The following VAC14 variants were observed in gnomAD, a reference collection of about 807,000 sequenced individuals.
VAC14 encodes the protein VAC14 component of PIKFYVE complex.
In VAC14, 47 loss-of-function variants were observed where a neutral mutation model predicts 85.3. The ratio of observed to expected loss-of-function variants is 0.55; its 90% CI spans 0.44 to 0.70. VAC14 has a LOEUF of 0.70. Among genes scored for constraint, VAC14 ranks in the 30% least tolerant of loss-of-function variants. The pLI is 0.00. For missense variants in VAC14, 861 were observed against 1,004.3 expected, an observed-to-expected ratio of 0.86 and a Z score of 1.93; for synonymous variants, 447 against 430.5, an observed-to-expected ratio of 1.04 and a Z score of -0.47.
At chr16:70,795,262 C>A (rs558431674) in intron 1 of VAC14, among the ~76,000 whole-genome samples, 1 of 152,052 alleles carries the variant, frequency 6.6e-6, no homozygotes, top group East Asian at 1.9e-4. Flanking sequence ...GTCAGGAGAT[C>A]GGGACCATCC....
intron 17 of VAC14, among the ~76,000 whole-genome samples, chr16:70,695,037 GGC>G (rs1415261080): frequency 6.6e-6 from 1 of 152,148 alleles, no homozygotes; most frequent in Non-Finnish European, 1.5e-5. Flanking sequence ...GAGGGATACA[GGC>G]AGGATCCAGG....
At chr16:70,727,812 A>T (rs1395670621) in intron 14 of VAC14, among the ~76,000 whole-genome samples, 1 of 152,208 alleles carries the variant, frequency 6.6e-6, no homozygotes, top group Non-Finnish European at 1.5e-5. Flanking sequence ...TTTCCATGTC[A>T]GATGCTGTGT....
At chr16:70,690,638 C>A in intron 18 of VAC14, 1 of 985,506 alleles carries the variant, frequency 1.0e-6, no homozygotes, top group Non-Finnish European at 1.2e-6. Context: ...ACAAAACTCT[C>A]CCAGCTGTTC....
intron 1 of VAC14, among the ~76,000 whole-genome samples, chr16:70,791,487 C>T (rs957137291): frequency 2.6e-5 from 4 of 152,232 alleles, no homozygotes; most frequent in Middle Eastern, 3.4e-3. Context: ...CAGGTTCAAG[C>T]GATCCTCCTG....
rs2031870239 is a variant in VAC14, at chr16:70,756,489, G to A, written c.1371+6051C>T. Among the ~76,000 whole-genome samples, 3 of 152,208 alleles carry A rather than the reference G, an allele frequency of 2.0e-5. No individual in the cohort carries two copies. The South Asian group carries it at 6.2e-4, about 31-fold the overall frequency. ...AAATCGCACCTTAAAATACAGTCTA[G>A]GGCATGGCAGGGGGTGCTTCCCAGC... On this transcript the variant is annotated intron_variant, in intron 12 of 18. Transcript: ENST00000261776.
At chr16:70,701,006 G>A (rs1403356963) in intron 14 of VAC14, among the ~76,000 whole-genome samples, 4 of 152,226 alleles carry the variant, frequency 2.6e-5, no homozygotes, top group Non-Finnish European at 5.9e-5. Context: ...GTGGTGAGGA[G>A]AAGCGGGCAC....
At chr16:70,726,682 G>A (rs750472035) in intron 14 of VAC14, among the ~76,000 whole-genome samples, 1 of 152,174 alleles carries the variant, frequency 6.6e-6, no homozygotes, top group Non-Finnish European at 1.5e-5. Context: ...AAGTCCCGTG[G>A]AGGGAGTGGG....
At chr16:70,691,912 T>C (rs936297) in intron 18 of VAC14, 877,943 of 985,172 alleles carry the variant, frequency 0.89, 392,259 homozygotes, top group Non-Finnish European at 0.91. Flanking sequence ...GGCCCTTTGC[T>C]GGAGCAAGGC....
intron 10 of VAC14, chr16:70,766,316 T>G (rs769996163): frequency 4.6e-4 from 169 of 365,900 alleles, no homozygotes; most frequent in Non-Finnish European, 8.4e-4. Flanking sequence ...AAGATGCTGC[T>G]GGCCAGCCTG....
rs752513620 is a variant in VAC14, at chr16:70,687,888, C to A, written c.*40G>T. On this transcript the variant is annotated 3_prime_UTR_variant, in exon 19 of 19. Transcript: ENST00000261776. ...GAGGGCGTGACGACCCTTAGTGTTT[C>A]ATGGGACCACTCGGTGGGCCCTCCT... The A allele has an allele frequency of 2.1e-6, 3 of 1,456,550 alleles. No individual in the cohort carries two copies. The highest frequency in any genetic ancestry group is 2.9e-5 in the South Asian group (2 of 68,730). 90.2% of individuals were successfully genotyped at this position (1,456,550 alleles called of 1,614,324 possible).
intron 13 of VAC14, among the ~76,000 whole-genome samples, chr16:70,743,211 A>C (rs537906965): frequency 3.7e-4 from 56 of 152,288 alleles, no homozygotes; most frequent in Non-Finnish European, 6.0e-4. Context: ...ACCAATCAGC[A>C]CTCTATAAAA....
chr16:70,730,409 G>A (rs1308591750), intron 14 of VAC14, among the ~76,000 whole-genome samples: 2 of 151,866 alleles, frequency 1.3e-5, no homozygotes, highest in Non-Finnish European at 2.9e-5. Context: ...ACAGCAAGAT[G>A]AGCTCCCCAG....
At chr16:70,743,168 A>C (rs1295319549) in intron 13 of VAC14, among the ~76,000 whole-genome samples, 1 of 151,964 alleles carries the variant, frequency 6.6e-6, no homozygotes, top group African/African-American at 2.4e-5. Flanking sequence ...AAACGCACCA[A>C]TCAGCACTGT....
rs879291962 is a variant in VAC14, at chr16:70,761,026, G to C, written c.1371+1514C>G. 104 of 238,874 alleles carry C rather than the reference G, an allele frequency of 4.4e-4. 2 individuals are homozygous for C. Among genetic ancestry groups the C allele is most frequent in the African/African-American group, 5.7e-4 (16 of 28,018 alleles). The allele number at this position is 238,874 out of a possible 1,614,324, so 14.8% of individuals were successfully genotyped here. ...GTGTGTGTGTGTGTGTGTGCATGGG[G>C]GGGCGGGGGGTAGGCAGGAGAGGCC... On this transcript the variant is annotated intron_variant, in intron 12 of 18. Transcript: ENST00000261776.
At chr16:70,746,962 T>C (rs1370644271) in intron 12 of VAC14, 1 of 152,094 alleles carries the variant, frequency 6.6e-6, no homozygotes, top group Admixed American at 6.5e-5. Flanking sequence ...AGAGCTGCCA[T>C]AGGTATACTC....
intron 14 of VAC14, among the ~76,000 whole-genome samples, chr16:70,727,608 G>A (rs888473791): frequency 6.6e-6 from 1 of 152,214 alleles, no homozygotes; most frequent in African/African-American, 2.4e-5. Context: ...AAAGTGCTGG[G>A]ATTACAGGCA....
rs1299410886 is a variant in VAC14, at chr16:70,761,010, TGTGTGTGTGCATGGGGGG to T, written c.1371+1512_1371+1529del. 6.0e-4 allele frequency: 193 copies of T among 323,672 alleles called. 7 individuals are homozygous for T. Among genetic ancestry groups the T allele is most frequent in the African/African-American group, 5.8e-3 (162 of 27,898 alleles). 20.1% of individuals were successfully genotyped at this position (323,672 alleles called of 1,614,324 possible). On this transcript the variant is annotated intron_variant, in intron 12 of 18. Transcript: ENST00000261776. Reference sequence around the variant, plus strand: ...GTGTGTGTGTGTGTGTGTGTGTGTGTGTGTGTGTGCATGGGGGGGCGGGGGGTAGGCAGGAGAGGCCAA... The same window carrying T: ...GTGTGTGTGTGTGTGTGTGTGTGTGTGCGGGGGGTAGGCAGGAGAGGCCAA...
intron 7 of VAC14, 37 bp downstream of exon 7, chr16:70,782,996 T>C (rs770177357): frequency 4.7e-5 from 75 of 1,583,722 alleles, no homozygotes; most frequent in Non-Finnish European, 4.5e-5. Flanking sequence ...GCAGCAGCAG[T>C]GGCAGCCGTG....
At chr16:70,785,557 G>C (rs2034009485) in intron 3 of VAC14, 145 bp downstream of exon 3, 2 of 955,272 alleles carry the variant, frequency 2.1e-6, no homozygotes, top group Non-Finnish European at 3.0e-6. Flanking sequence ...AAAATGATTA[G>C]ATTCAACAGA....
Sources: gnomAD v4.1 joint callset for allele counts (sites outside exome capture counted in the v4.1 genomes callset) on GRCh38, gnomAD v4.1.1 for gene constraint, MANE v1.5 for transcripts, NCBI Gene and HGNC (gene_info 2026-07-23, HGNC 2026-07-21) for gene names.